The following INPP5D variants were observed in gnomAD, a reference collection of about 807,000 sequenced individuals.
The protein encoded by INPP5D is phosphatidylinositol 3,4,5-trisphosphate 5-phosphatase 1.
A neutral mutation model predicts 122.9 loss-of-function variants in INPP5D; 33 were observed. The ratio of observed to expected loss-of-function variants is 0.27; its 90% CI spans 0.20 to 0.36. The LOEUF is 0.36. Ranked by LOEUF, INPP5D falls within the 10% of genes least tolerant of loss-of-function variation. The pLI, the probability that INPP5D is intolerant of heterozygous loss-of-function variation, is 1.00. For synonymous variants in INPP5D, 584 were observed against 576.2 expected (o/e 1.01, Z -0.19); for missense variants, 1,053 against 1,412.7 (o/e 0.75, Z 4.08).
intron 11 of INPP5D, 37 bp from the exon 12 acceptor site, chr2:233,163,670 C>G: frequency 6.2e-7 from 1 of 1,612,750 alleles, no homozygotes; most frequent in Non-Finnish European, 8.5e-7. Context: ...ACTCGATGTG[C>G]CTTTGACTCA....
At chr2:233,145,782 T>C (rs1693743000) in intron 6 of INPP5D, among the ~76,000 whole-genome samples, 1 of 151,900 alleles carries the variant, frequency 6.6e-6, no homozygotes, top group African/African-American at 2.4e-5. Flanking sequence ...AGAACTGTAC[T>C]GGGGTTTCAA....
intron 2 of INPP5D, 54 bp downstream of exon 2, chr2:233,079,452 G>A: frequency 9.0e-7 from 1 of 1,113,508 alleles, no homozygotes; most frequent in Admixed American, 1.7e-5. Context: ...GATACTGGCA[G>A]AGAAAGGGTG....
chr2:233,178,684 A>G (rs1368370419), intron 18 of INPP5D, among the ~76,000 whole-genome samples: 2 of 152,010 alleles, frequency 1.3e-5, no homozygotes, highest in African/African-American at 4.8e-5. Context: ...GGGTTACACC[A>G]TGTTGGTCAG....
chr2:233,134,078 A>G, intron 5 of INPP5D: 1 of 453,570 alleles, frequency 2.2e-6, no homozygotes, highest in Non-Finnish European at 4.4e-6. Context: ...AGATGAATCT[A>G]GGGTGACCCC....
chr2:233,081,790 A>G (rs7583618), intron 2 of INPP5D, among the ~76,000 whole-genome samples: 133,752 of 151,964 alleles, frequency 0.88, 59,017 homozygotes, highest in East Asian at 0.97. Flanking sequence ...AGCTTCTCCC[A>G]TGGATCAGCT....
chr2:233,191,065 A>G (rs1415154369), intron 22 of INPP5D, among the ~76,000 whole-genome samples: 3 of 152,218 alleles, frequency 2.0e-5, no homozygotes, highest in Admixed American at 6.5e-5. Flanking sequence ...GTCTGTTCTC[A>G]TGTTGCTGTA....
chr2:233,184,943 C>T (rs1418873109), intron 20 of INPP5D, among the ~76,000 whole-genome samples: 3 of 151,862 alleles, frequency 2.0e-5, no homozygotes, highest in South Asian at 2.1e-4. Context: ...CCCTCTTGCT[C>T]GTTGGAGATC....
At position 233,160,332 on chromosome 2, in the gene INPP5D, TA is replaced by T. The variant is rs1694170509; in HGVS notation, c.1138-1390del. 6.6e-6 allele frequency among the ~76,000 whole-genome samples: 1 copy of T among 152,240 alleles called. No homozygotes were observed. The highest frequency in any genetic ancestry group is 1.5e-5 in the Non-Finnish European group (1 of 68,036). ...TCCGCCTGCTCTATTGATTGCATCCTAAGAGAGGGCCAACTGAGGCTGCTTG... is the reference window on the plus strand; with the variant it reads ...TCCGCCTGCTCTATTGATTGCATCCTAGAGAGGGCCAACTGAGGCTGCTTG... On this transcript the variant is annotated intron_variant, in intron 10 of 26. Transcript: ENST00000445964. The surrounding 1 kb of genome is among the most constrained non-coding windows in gnomAD (Gnocchi z 4.2).
chr2:233,116,262 T>G (rs906647510), intron 2 of INPP5D, among the ~76,000 whole-genome samples: 1 of 146,340 alleles, frequency 6.8e-6, no homozygotes, highest in Non-Finnish European at 1.5e-5. Flanking sequence ...GATATAGATA[T>G]AGATATAGAT....
In INPP5D at chr2:233,169,388, GA is replaced by G; in HGVS notation, c.1643del (p.Lys548ArgfsTer10). On this transcript the variant is annotated frameshift_variant, in exon 14 of 27. Transcript: ENST00000445964. LOFTEE classifies it high-confidence loss of function. ...CAACAGCCACTTGACTTCAGGAAGT[GA>G]AAAGAAACTCAGGTAATGGAACTCC... The part of the protein sequence containing the change: ...FVNSHLTSGS[E>X]KKLRRNQNYM... 6.3e-7 allele frequency: 1 copy of G among 1,592,832 alleles called. No homozygotes were observed. The highest frequency in any genetic ancestry group is 8.6e-7 in the Non-Finnish European group (1 of 1,169,172).
chr2:233,124,681 A>G (rs1693100923), intron 3 of INPP5D, among the ~76,000 whole-genome samples: 1 of 151,742 alleles, frequency 6.6e-6, no homozygotes, highest in Non-Finnish European at 1.5e-5. Context: ...CACACTAAAC[A>G]CCCTCACTCC....
chr2:233,204,309 C>A lies in INPP5D; in HGVS notation c.3159C>A (p.Pro1053=). 2 of 1,612,230 alleles carry A rather than the reference C, an allele frequency of 1.2e-6. No individual in the cohort carries two copies. Among genetic ancestry groups the A allele is most frequent in the Non-Finnish European group, 1.7e-6 (2 of 1,179,358 alleles). The change falls in exon 26 of 27, where the codon CCC becomes CCA. Residue 1053 remains proline, a synonymous_variant. Transcript: ENST00000445964. ...PRKEPPPCPE[P]GILSPSIVLT... ...AGGAACCCCCGCCCTGCCCGGAACC[C>A]GGCATCTTGTCGCCCAGCATCGTGC...
chr2:233,126,240 T>G (rs1440291746), intron 4 of INPP5D, among the ~76,000 whole-genome samples: 1 of 152,212 alleles, frequency 6.6e-6, no homozygotes, highest in Non-Finnish European at 1.5e-5. Context: ...CCTGGTAATC[T>G]CCATGCCTTA....
chr2:233,181,519 A>G (rs181335983), intron 18 of INPP5D, among the ~76,000 whole-genome samples: 5 of 152,206 alleles, frequency 3.3e-5, no homozygotes, highest in Admixed American at 2.6e-4. Flanking sequence ...ATGCATCTCC[A>G]GCCTTGAGTG....
intron 9 of INPP5D, among the ~76,000 whole-genome samples, chr2:233,149,808 C>T (rs527408071): frequency 9.5e-5 from 14 of 147,726 alleles, no homozygotes; most frequent in Admixed American, 3.3e-4. Context: ...GTAGCAGCAT[C>T]TTGCAGGGCT....
chr2:233,137,897 TACACACACACACACAC>T (rs796742030), intron 5 of INPP5D, among the ~76,000 whole-genome samples: 1 of 44,510 alleles, frequency 2.2e-5, no homozygotes, highest in African/African-American at 7.8e-5. Context: ...TATATATATA[TACACACACACACACAC>T]ATACACATAA....
intron 22 of INPP5D, among the ~76,000 whole-genome samples, chr2:233,192,078 G>A (rs958034999): frequency 2.2e-4 from 34 of 152,150 alleles, no homozygotes; most frequent in African/African-American, 7.7e-4. Flanking sequence ...CGTTCCCAGT[G>A]CAGCACTGGC....
chr2:233,080,043 C>A (rs1691631276), intron 2 of INPP5D, among the ~76,000 whole-genome samples: 1 of 152,208 alleles, frequency 6.6e-6, no homozygotes, highest in South Asian at 2.1e-4. Context: ...GATTCCCCTG[C>A]CTCAGTCTCC....
intron 9 of INPP5D, among the ~76,000 whole-genome samples, chr2:233,149,960 A>G (rs572181237): frequency 6.6e-6 from 1 of 152,230 alleles, no homozygotes; most frequent in South Asian, 2.1e-4. Flanking sequence ...ATCTCAGGGA[A>G]TGGCTGGGGG....
Sources: gnomAD v4.1 joint callset for allele counts (sites outside exome capture counted in the v4.1 genomes callset) on GRCh38, gnomAD v4.1.1 for gene constraint, Gnocchi (gnomAD v3.1) non-coding constraint, MANE v1.5 for transcripts, NCBI Gene and HGNC (gene_info 2026-07-23, HGNC 2026-07-21) for gene names.